IQCK: variants seen among roughly 807,000 people sequenced by gnomAD.
The protein encoded by IQCK is IQ motif containing K.
Under a neutral mutation model 28.1 loss-of-function variants are expected in IQCK, and 29 were observed. That is an observed-to-expected ratio of 1.03 (90% CI 0.77 to 1.41). The LOEUF (loss-of-function observed/expected upper bound fraction) is 1.41. Among genes scored for constraint, IQCK ranks in the 40% most tolerant of loss-of-function variants. IQCK has a pLI of 0.00. For synonymous variants in IQCK, 113 were observed against 115.1 expected, an observed-to-expected ratio of 0.98 and a Z score of 0.12; for missense variants, 359 against 314.7, an observed-to-expected ratio of 1.14 and a Z score of -1.07.
At chr16:19,732,437 G>A (rs188573453) in intron 2 of IQCK, among the ~76,000 whole-genome samples, 4 of 152,152 alleles carry the variant, frequency 2.6e-5, no homozygotes, top group South Asian at 2.1e-4. Context: ...GCAGAGAGTC[G>A]GTATTTTGGG....
exon 3 of IQCK, chr16:19,733,730 C>T: frequency 1.9e-6 from 3 of 1,614,170 alleles, no homozygotes; most frequent in Non-Finnish European, 2.5e-6. Flanking sequence ...TTTTTCATGG[C>T]TTCAGTGCAG....
chr16:19,839,253 AG>A (rs1488508087), intron 9 of IQCK, among the ~76,000 whole-genome samples: 1 of 151,310 alleles, frequency 6.6e-6, no homozygotes, highest in East Asian at 2.0e-4. Context: ...CTCCACCTCC[AG>A]GGTTCAAGGG....
intron 1 of IQCK, among the ~76,000 whole-genome samples, chr16:19,729,047 G>A (rs115791046): frequency 0.03 from 4,612 of 152,296 alleles, 213 homozygotes; most frequent in African/African-American, 0.1. Flanking sequence ...CTTTGCTTTA[G>A]GGATATAACT....
intron 1 of IQCK, among the ~76,000 whole-genome samples, chr16:19,722,023 C>T (rs959671721): frequency 1.3e-5 from 2 of 152,184 alleles, no homozygotes; most frequent in Admixed American, 6.5e-5. Flanking sequence ...TGCCAGATAC[C>T]GACATGGATC....
intron 9 of IQCK, among the ~76,000 whole-genome samples, chr16:19,856,152 G>C (rs1448892610): frequency 1.3e-5 from 2 of 152,230 alleles, no homozygotes; most frequent in African/African-American, 4.8e-5. Context: ...AGATGGGGTT[G>C]AGCGGAGAGC....
chr16:19,817,171 C>A (rs542820970), intron 7 of IQCK, among the ~76,000 whole-genome samples: 3 of 152,156 alleles, frequency 2.0e-5, no homozygotes, highest in African/African-American at 7.2e-5. Context: ...CTTGAAGGAG[C>A]AAATAGAGAC....
At chr16:19,755,373 T>C (rs2055038494) in intron 4 of IQCK, among the ~76,000 whole-genome samples, 1 of 152,202 alleles carries the variant, frequency 6.6e-6, no homozygotes, top group Non-Finnish European at 1.5e-5. Context: ...AGAGATGGTC[T>C]CTCTTGGGAG....
chr16:19,736,031 A>C (rs1483468828), intron 4 of IQCK: 1 of 447,582 alleles, frequency 2.2e-6, no homozygotes, highest in South Asian at 1.6e-5. Context: ...ACGTCACTGC[A>C]CTCCAGCCTG....
At chr16:19,809,395 G>C (rs1411052431) in intron 7 of IQCK, among the ~76,000 whole-genome samples, 1 of 152,188 alleles carries the variant, frequency 6.6e-6, no homozygotes, top group African/African-American at 2.4e-5. Flanking sequence ...GGGCTGGAAT[G>C]TCCAAGCTGG....
downstream of IQCK, among the ~76,000 whole-genome samples, chr16:19,830,765 T>C (rs976469882): frequency 3.3e-5 from 5 of 152,218 alleles, no homozygotes; most frequent in Non-Finnish European, 7.3e-5. Flanking sequence ...TTCATGAAGC[T>C]TTAGTTTTCC....
chr16:19,808,892 T>C (rs1356996796), intron 7 of IQCK, among the ~76,000 whole-genome samples: 1 of 152,224 alleles, frequency 6.6e-6, no homozygotes, highest in African/African-American at 2.4e-5. Context: ...GTTTTCACTC[T>C]TGTTGTCCAG....
intron 7 of IQCK, among the ~76,000 whole-genome samples, chr16:19,823,215 G>A (rs1374505011): frequency 6.6e-6 from 1 of 152,132 alleles, no homozygotes; most frequent in African/African-American, 2.4e-5. Flanking sequence ...AGATCCAGTG[G>A]TGATCTGAAA....
At chr16:19,744,902 C>T (rs915002571) in intron 4 of IQCK, among the ~76,000 whole-genome samples, 59 of 152,288 alleles carry the variant, frequency 3.9e-4, no homozygotes, top group African/African-American at 1.3e-3. Context: ...AGATACTGTA[C>T]AGACATTTCC....
Position 19,855,151 on chromosome 16 carries a change from T to C in IQCK, c.803-1336T>C, listed in dbSNP as rs575439594. On this transcript the variant is annotated intron_variant, in intron 9 of 9. Transcript: ENST00000320394. ...TGGCACCTGGGGAGTCTTTACACAC[T>C]GGGCCAGGAATGACAGGAGGGTGGG... Among the ~76,000 whole-genome samples, 26 of 152,262 alleles carry C rather than the reference T, an allele frequency of 1.7e-4. 1 individual carries two copies. The highest frequency in any genetic ancestry group is 5.8e-4 in the African/African-American group (24 of 41,548).
Position 19,764,117 on chromosome 16 carries a change from G to A in IQCK, c.605+5G>A. On this transcript the variant is annotated splice_donor_5th_base_variant and intron_variant, in intron 6 of 7. Transcript: ENST00000564186. ...GGAGGAGCGGCTAAAGCAACAGTGA[G>A]TATGACACAAGGCTTTGAATAATTT... is the stretch of plus-strand genomic sequence containing the variant. 6.2e-7 allele frequency: 1 copy of A among 1,602,822 alleles called. No homozygotes were observed. Among genetic ancestry groups the A allele is most frequent in the Middle Eastern group, 1.7e-4 (1 of 6,048 alleles).
chr16:19,761,338 C>T (rs1442781437), intron 4 of IQCK: 1 of 449,708 alleles, frequency 2.2e-6, no homozygotes, highest in Non-Finnish European at 4.4e-6. Context: ...CTCTGGTCTC[C>T]TGCTGGTACC....
At chr16:19,823,862 G>A (rs974975308) in intron 7 of IQCK, among the ~76,000 whole-genome samples, 2 of 152,128 alleles carry the variant, frequency 1.3e-5, no homozygotes, top group African/African-American at 4.8e-5. Flanking sequence ...CAACCCAGGA[G>A]GCGGAGGTTG....
rs566622955 is a variant in IQCK at position 19,782,465 on chromosome 16, CA to C, written c.606-6360del. On this transcript the variant is annotated intron_variant, in intron 6 of 7. Transcript: ENST00000564186. ...TGAGACCCTGTCTCTACAAAAATACCAAAAAAAAAAAAATTAGCTGGGAATG... is the reference window on the plus strand; with the variant it reads ...TGAGACCCTGTCTCTACAAAAATACCAAAAAAAAAAAATTAGCTGGGAATG... 1.9e-3 allele frequency among the ~76,000 whole-genome samples: 273 copies of C among 142,206 alleles called. 1 individual carries two copies. Among genetic ancestry groups the C allele is most frequent in the Middle Eastern group, 3.6e-3 (1 of 278 alleles). 93.3% of individuals were successfully genotyped at this position (142,206 alleles called of 152,430 possible). A position where few individuals can be genotyped will look rare whatever the true frequency, so the allele number is the denominator to read the frequency against.
chr16:19,732,647 G>A lies in IQCK; in HGVS notation c.247-1051G>A, dbSNP rs921426249. Among the ~76,000 whole-genome samples the A allele has an allele frequency of 2.0e-4, 31 of 152,236 alleles. 3 individuals carry two copies. The South Asian group carries it at 5.4e-3, about 26-fold the overall frequency. The stretch of plus-strand genomic sequence containing the variant: ...AGCTAATTATTTTTGAATTTTAGTA[G>A]AGATGAGGTCTTGCTATGTTGCCCA... On this transcript the variant is annotated intron_variant, in intron 2 of 7. Transcript: ENST00000564186.
Sources: allele counts gnomAD v4.1 joint callset (sites outside exome capture counted in the v4.1 genomes callset), GRCh38; gene constraint gnomAD v4.1.1; transcripts MANE v1.5; gene names NCBI Gene and HGNC (gene_info 2026-07-23, HGNC 2026-07-21).